The following TLCD3B variants were observed in gnomAD, a reference collection of about 807,000 sequenced individuals.
TLCD3B encodes the protein TLC domain containing 3B.
In TLCD3B, 9 loss-of-function variants were observed where a neutral mutation model predicts 23.0. The observed-to-expected ratio is 0.39, with a 90% confidence interval of 0.24 to 0.68. The LOEUF is 0.68. TLCD3B is among the 30% of genes least tolerant of loss of function. TLCD3B has a pLI of 0.44. For missense variants in TLCD3B, 307 were observed against 371.8 expected (o/e 0.83, Z 1.43); for synonymous variants, 161 against 161.0 (o/e 1.00, Z 0.00).
At chr16:30,040,147 A>AAAAAAAAAAATATATATATATATATAT in intron 3 of TLCD3B, among the ~76,000 whole-genome samples, 3 of 95,898 alleles carry the variant, frequency 3.1e-5, no homozygotes, top group African/African-American at 1.3e-4. Context: ...AAAAAAAAAA[A>AAAAAAAAAAATATATATATATATATAT]ATATATATAT....
At position 30,025,771 on chromosome 16, in the gene TLCD3B, T is replaced by C; in HGVS notation, c.495A>G (p.Ala165=). 6.2e-7 allele frequency: 1 copy of C among 1,614,146 alleles called. No individual in the cohort carries two copies. The highest frequency in any genetic ancestry group is 8.5e-7 in the Non-Finnish European group (1 of 1,180,030). Residue 165 remains alanine, a synonymous_variant, in exon 4 of 5, where the codon GCA becomes GCG. Transcript: ENST00000380495. This position sits in a 1 kb window ranked among gnomAD's most constrained non-coding sequence, Gnocchi z 4.1. ...GGCAGACGAAGGGCGTGCTGACCTCTGCCATCAACATGCAACCCAGAAAGA... is the reference window on the plus strand; with the variant it reads ...GGCAGACGAAGGGCGTGCTGACCTCCGCCATCAACATGCAACCCAGAAAGA... The part of the protein sequence containing the change: ...GDFFLGCMLM[A]EVSTPFVCLG...
At chr16:30,047,118 G>A (rs114097560) in intron 1 of TLCD3B, among the ~76,000 whole-genome samples, 2,408 of 151,856 alleles carry the variant, frequency 0.016, 64 homozygotes, top group African/African-American at 0.055. Context: ...GAGCCACCAT[G>A]CCCTGCCTGT....
chr16:30,052,965 C>T (rs1466264898), exon 1 of TLCD3B: 1 of 152,284 alleles, frequency 6.6e-6, no homozygotes, highest in Non-Finnish European at 1.5e-5. Context: ...CGCTCTTCCC[C>T]TTCGCTCCCC....
intron 2 of TLCD3B, among the ~76,000 whole-genome samples, chr16:30,044,918 C>T (rs2071635986): frequency 6.6e-6 from 1 of 151,418 alleles, no homozygotes; most frequent in Non-Finnish European, 1.5e-5. Context: ...TATGGTGTAA[C>T]CCCATCTCTA....
In TLCD3B at chr16:30,030,392, A is replaced by C. The variant is rs1567301628; in HGVS notation, c.125+11T>G. ...AGCAGACAGGGGCTGAGGGGAAAGA[A>C]AGTGGTTTACCTGGCTGAGACAATG... On this transcript the variant is annotated intron_variant, in intron 1 of 4. Coordinates refer to ENST00000380495, the MANE Select transcript of TLCD3B (RefSeq NM_031478.6). 2 of 1,555,152 alleles carry C rather than the reference A, an allele frequency of 1.3e-6. No homozygotes were observed. Among genetic ancestry groups the C allele is most frequent in the Non-Finnish European group, 1.7e-6 (2 of 1,152,292 alleles).
chr16:30,035,447 A>G (rs1331011731), upstream of TLCD3B: 1 of 1,289,582 alleles, frequency 7.8e-7, no homozygotes, highest in East Asian at 5.6e-5. Flanking sequence ...CGGGAAGAAG[A>G]CGCAACCCAC....
At chr16:30,044,873 C>T (rs1200918829) in intron 2 of TLCD3B, among the ~76,000 whole-genome samples, 5 of 151,636 alleles carry the variant, frequency 3.3e-5, no homozygotes, top group Non-Finnish European at 7.4e-5. Context: ...TGCGGATTAA[C>T]TAAGGTCAAG....
intron 3 of TLCD3B, among the ~76,000 whole-genome samples, chr16:30,039,419 G>A (rs1310722758): frequency 6.6e-6 from 1 of 151,630 alleles, no homozygotes; most frequent in African/African-American, 2.4e-5. Context: ...CACTGCGCCC[G>A]GCTTCTTCCT....
rs2071318756 is a variant in TLCD3B at position 30,030,411 on chromosome 16, G to A, written c.117C>T (p.Val39=). The A allele has an allele frequency of 1.3e-6, 2 of 1,582,680 alleles. No individual in the cohort carries two copies. Among genetic ancestry groups the A allele is most frequent in the Non-Finnish European group, 1.7e-6 (2 of 1,167,430 alleles). Residue 39 remains valine, a synonymous_variant, in exon 1 of 5, where the codon GTC becomes GTT. Coordinates refer to ENST00000380495, the MANE Select transcript of TLCD3B (RefSeq NM_031478.6). ...GAAAGAAAGTGGTTTACCTGGCTGA[G>A]ACAATGACTGCGTCGGCCTCCTCCC... ...LRWEEADAVI[V]SARLVSSVQA... is the part of the protein sequence containing the mutation.
chr16:30,035,686 C>A (rs1441277416), upstream of TLCD3B, among the ~76,000 whole-genome samples: 1 of 152,066 alleles, frequency 6.6e-6, no homozygotes, highest in South Asian at 2.1e-4. Context: ...CGGGGCAATT[C>A]GACATCCTAA....
rs1408063372 is a variant in TLCD3B, at chr16:30,051,537, AAAG to A, written c.-294+1234_-294+1236del. On this transcript the variant is annotated intron_variant, in intron 1 of 6. Coordinates refer to the TLCD3B transcript ENST00000561666. ...ACTCCGTTTCAAAAAAAAAAAAAAA[AAAG>A]AAAAGAAAAGAAAAAAGAAAGAAAG... Among the ~76,000 whole-genome samples, 599 of 150,662 alleles carry A rather than the reference AAAG, an allele frequency of 4.0e-3. 1 individual carries two copies. Among genetic ancestry groups the A allele is most frequent in the African/African-American group, 0.014 (573 of 40,708 alleles).
In TLCD3B at chr16:30,025,495, G is replaced by T; in HGVS notation, c.541-28C>A. 6.2e-7 allele frequency: 1 copy of T among 1,608,714 alleles called. No individual in the cohort carries two copies. The highest frequency in any genetic ancestry group is 8.5e-7 in the Non-Finnish European group (1 of 1,177,960). ...GAGGAGACACAGACACAGTGGCCAC[G>T]GCAGCAGAAGGGCTCGGCCCCCCTT... On this transcript the variant is annotated intron_variant, in intron 4 of 4. Coordinates refer to ENST00000380495, the MANE Select transcript of TLCD3B (RefSeq NM_031478.6). The surrounding 1 kb of genome is among the most constrained non-coding windows in gnomAD (Gnocchi z 4.1).
At chr16:30,040,634 C>A (rs1320212294) in intron 3 of TLCD3B, among the ~76,000 whole-genome samples, 1 of 151,560 alleles carries the variant, frequency 6.6e-6, no homozygotes, top group Non-Finnish European at 1.5e-5. Flanking sequence ...AGGAGTAGCA[C>A]CCCTCTGCAG....
chr16:30,034,000 C>T (rs1033295246), upstream of TLCD3B, among the ~76,000 whole-genome samples: 4 of 151,696 alleles, frequency 2.6e-5, no homozygotes, highest in African/African-American at 9.7e-5. Context: ...CAGCCCACCA[C>T]AATGACATGC....
intron 3 of TLCD3B, among the ~76,000 whole-genome samples, chr16:30,038,791 C>A (rs1310481936): frequency 2.0e-5 from 3 of 152,096 alleles, no homozygotes; most frequent in East Asian, 3.9e-4. Flanking sequence ...AATATCAAGT[C>A]ATTTATCCAA....
chr16:30,025,023 C>T lies in TLCD3B; in HGVS notation c.*160G>A. 1 of 558,482 alleles carries T rather than the reference C, an allele frequency of 1.8e-6. No individual in the cohort carries two copies. Among genetic ancestry groups the T allele is most frequent in the South Asian group, 2.6e-5 (1 of 38,022 alleles). The allele number at this position is 558,482 out of a possible 1,614,324, so 34.6% of individuals were successfully genotyped here. A position where few individuals can be genotyped will look rare whatever the true frequency, so the allele number is the denominator to read the frequency against. ...GGAAGAGGTCCCCTCTCTCCACCCC[C>T]TCAGTCCCCGAGAGATGGGGCCTCT... On this transcript the variant is annotated 3_prime_UTR_variant, in exon 5 of 5. Transcript: ENST00000380495. This position sits in a 1 kb window ranked among gnomAD's most constrained non-coding sequence, Gnocchi z 4.1.
Position 30,024,828 on chromosome 16 carries a change from T to G in TLCD3B, c.*355A>C. 4.2e-6 allele frequency: 1 copy of G among 239,982 alleles called. No homozygotes were observed. Among genetic ancestry groups the G allele is most frequent in the Non-Finnish European group, 7.9e-6 (1 of 126,348 alleles). 14.9% of individuals were successfully genotyped at this position (239,982 alleles called of 1,614,324 possible). ...TGGGGAGCCCTGGGGGATGGCAGCA[T>G]AGGGGCTGGGATGGCCTTGGCAGAG... On this transcript the variant is annotated 3_prime_UTR_variant, in exon 5 of 5. Transcript: ENST00000380495.
rs140294527 is a variant in TLCD3B at position 30,025,621 on chromosome 16, G to A, written c.540+105C>T. ...CAGGTGCTCAAAATGCACGGGGTGA[G>A]GGGGGGATGACGAAGGGGCTAGAGC... On this transcript the variant is annotated intron_variant, in intron 4 of 4. Transcript: ENST00000380495. This position sits in a 1 kb window ranked among gnomAD's most constrained non-coding sequence, Gnocchi z 4.1. 11 of 1,427,844 alleles carry A rather than the reference G, an allele frequency of 7.7e-6. No individual in the cohort carries two copies. The highest frequency in any genetic ancestry group is 4.6e-5 in the South Asian group (4 of 87,442). The allele number at this position is 1,427,844 out of a possible 1,614,324, so 88.4% of individuals were successfully genotyped here.
intron 3 of TLCD3B, among the ~76,000 whole-genome samples, chr16:30,039,126 T>TTC: frequency 7.0e-6 from 1 of 143,528 alleles, no homozygotes; most frequent in South Asian, 2.3e-4. Flanking sequence ...TTTTTTTTTT[T>TTC]TTTTTTTAGA....
Sources: gnomAD v4.1 joint callset for allele counts (sites outside exome capture counted in the v4.1 genomes callset) on GRCh38, gnomAD v4.1.1 for gene constraint, Gnocchi (gnomAD v3.1) non-coding constraint, MANE v1.5 for transcripts, NCBI Gene and HGNC (gene_info 2026-07-23, HGNC 2026-07-21) for gene names.